The following RBFOX1 variants were observed in gnomAD, a reference collection of about 807,000 sequenced individuals.
RBFOX1 encodes the protein RNA binding protein fox-1 homolog 1.
RBFOX1 carries 8 observed loss-of-function variants against 57.7 expected under a neutral mutation model. That is an observed-to-expected ratio of 0.14 (90% CI 0.08 to 0.25). The LOEUF is 0.25. Among genes scored for constraint, RBFOX1 ranks in the 10% least tolerant of loss-of-function variants. The pLI is 1.00. For synonymous variants in RBFOX1, 326 were observed against 222.4 expected, an observed-to-expected ratio of 1.47 and a Z score of -4.15; for missense variants, 611 against 548.5, an observed-to-expected ratio of 1.11 and a Z score of -1.14.
intron 2 of RBFOX1, among the ~76,000 whole-genome samples, chr16:6,393,321 T>C (rs2092687918): frequency 6.6e-6 from 1 of 152,200 alleles, no homozygotes; most frequent in African/African-American, 2.4e-5. Flanking sequence ...CAGTATCCCT[T>C]TCCCATATGC....
chr16:5,794,264 C>T lies in RBFOX1; in HGVS notation c.319-73039C>T, dbSNP rs184728373. On this transcript the variant is annotated intron_variant, in intron 3 of 19. Transcript: ENST00000641259. Reference sequence around the variant, plus strand: ...CTTCTTCCCCTTTCTTTTTCCTTCTCTTCCTCCTCTTTGTTTCCCTCCTTC... The same window carrying T: ...CTTCTTCCCCTTTCTTTTTCCTTCTTTTCCTCCTCTTTGTTTCCCTCCTTC... Among the ~76,000 whole-genome samples the T allele has an allele frequency of 7.3e-4, 111 of 152,242 alleles. 1 individual carries two copies. Among genetic ancestry groups the T allele is most frequent in the African/African-American group, 2.5e-3 (102 of 41,524 alleles).
At chr16:7,321,779 T>G (rs1229014261) in intron 4 of RBFOX1, among the ~76,000 whole-genome samples, 1 of 152,236 alleles carries the variant, frequency 6.6e-6, no homozygotes, top group Admixed American at 6.5e-5. Flanking sequence ...TCAGAGTGGT[T>G]CCTCTTTTGA....
chr16:6,342,640 G>T (rs747183040), intron 2 of RBFOX1, among the ~76,000 whole-genome samples: 25 of 152,230 alleles, frequency 1.6e-4, no homozygotes, highest in Non-Finnish European at 2.9e-4. Context: ...ACATATCTGA[G>T]GTTCAGAATG....
intron 3 of RBFOX1, among the ~76,000 whole-genome samples, chr16:6,969,127 A>G (rs1487568465): frequency 1.3e-5 from 2 of 152,116 alleles, no homozygotes; most frequent in Non-Finnish European, 2.9e-5. Context: ...CTGCGTGTGA[A>G]CTTATTCAGT....
intron 3 of RBFOX1, among the ~76,000 whole-genome samples, chr16:6,665,465 A>G (rs954304916): frequency 2.6e-5 from 4 of 152,152 alleles, no homozygotes; most frequent in Non-Finnish European, 5.9e-5. Context: ...AATAAAAAAT[A>G]TAAAAAAATA....
intron 1 of RBFOX1, among the ~76,000 whole-genome samples, chr16:6,114,082 T>G (rs1477942639): frequency 6.6e-6 from 1 of 152,198 alleles, no homozygotes; most frequent in Non-Finnish European, 1.5e-5. Flanking sequence ...GATAGGTATG[T>G]TCTCATTATT....
chr16:6,266,361 T>C (rs989939007), intron 1 of RBFOX1, among the ~76,000 whole-genome samples: 3 of 152,200 alleles, frequency 2.0e-5, no homozygotes, highest in Admixed American at 1.3e-4. Flanking sequence ...CAGAAGCCAT[T>C]TCTTTGTAAA....
chr16:6,524,819 C>G (rs373728092), intron 2 of RBFOX1, among the ~76,000 whole-genome samples: 7 of 152,128 alleles, frequency 4.6e-5, no homozygotes, highest in African/African-American at 1.7e-4. Flanking sequence ...TCCTCCATCA[C>G]CTGGCTCCTT....
chr16:5,841,183 A>G (rs568887463), intron 3 of RBFOX1, among the ~76,000 whole-genome samples: 14 of 152,212 alleles, frequency 9.2e-5, no homozygotes, highest in Non-Finnish European at 1.8e-4. Context: ...CACTATATAG[A>G]GTAGGTACTG....
intron 3 of RBFOX1, among the ~76,000 whole-genome samples, chr16:6,855,853 C>CCTGTTTCCCTT (rs2057779778): frequency 6.7e-6 from 1 of 148,734 alleles, no homozygotes; most frequent in African/African-American, 2.5e-5. Context: ...CTCTTTCCCT[C>CCTGTTTCCCTT]CCTTCCTTTC....
intron 3 of RBFOX1, among the ~76,000 whole-genome samples, chr16:5,817,390 T>G (rs908467600): frequency 2.6e-5 from 4 of 152,166 alleles, no homozygotes; most frequent in Admixed American, 6.5e-5. Context: ...CATTCGTGGT[T>G]GGAGTTTCAG....
intron 1 of RBFOX1, among the ~76,000 whole-genome samples, chr16:6,206,844 G>A (rs908301241): frequency 7.2e-5 from 11 of 152,090 alleles, no homozygotes; most frequent in Non-Finnish European, 1.2e-4. Flanking sequence ...GTAATCCTTC[G>A]CTATTTTATA....
intron 3 of RBFOX1, among the ~76,000 whole-genome samples, chr16:6,812,084 A>C (rs1187604823): frequency 1.3e-5 from 2 of 152,056 alleles, no homozygotes; most frequent in Admixed American, 1.3e-4. Context: ...GTATTATCAG[A>C]CTCCATATGA....
chr16:6,830,412 G>T (rs528885062), intron 3 of RBFOX1, among the ~76,000 whole-genome samples: 1 of 151,980 alleles, frequency 6.6e-6, no homozygotes, highest in African/African-American at 2.4e-5. Context: ...AGTAATAATA[G>T]ATCAATGAAG....
intron 12 of RBFOX1, among the ~76,000 whole-genome samples, chr16:7,654,687 T>C (rs1444392202): frequency 1.3e-5 from 2 of 152,158 alleles, no homozygotes; most frequent in East Asian, 1.9e-4. Flanking sequence ...CTTGAAATGC[T>C]AGTCTGTCCC....
intron 2 of RBFOX1, among the ~76,000 whole-genome samples, chr16:6,443,562 G>A (rs1447892705): frequency 6.6e-6 from 1 of 152,182 alleles, no homozygotes; most frequent in African/African-American, 2.4e-5. Flanking sequence ...TACCCAGTGT[G>A]CTCTGTAACT....
chr16:5,761,255 T>C (rs867772441), intron 3 of RBFOX1, among the ~76,000 whole-genome samples: 13 of 152,156 alleles, frequency 8.5e-5, no homozygotes, highest in South Asian at 2.1e-4. Context: ...AAGAGTAATA[T>C]AGAAGCAGAA....
chr16:5,648,267 C>T (rs186621093), intron 3 of RBFOX1, among the ~76,000 whole-genome samples: 204 of 152,264 alleles, frequency 1.3e-3, no homozygotes, highest in African/African-American at 4.4e-3. Context: ...GTTCTCGGAG[C>T]CTCAGTTTTC....
chr16:6,792,741 G>T (rs1375533115), intron 3 of RBFOX1, among the ~76,000 whole-genome samples: 2 of 152,114 alleles, frequency 1.3e-5, no homozygotes, highest in Non-Finnish European at 2.9e-5. Flanking sequence ...GATATAAATA[G>T]AAGTGATGGG....
Sources: gnomAD v4.1 joint callset for allele counts (sites outside exome capture counted in the v4.1 genomes callset) on GRCh38, gnomAD v4.1.1 for gene constraint, MANE v1.5 for transcripts, NCBI Gene and HGNC (gene_info 2026-07-23, HGNC 2026-07-21) for gene names.